Variants in LIPC observed in about 807,000 individuals in gnomAD.
LIPC encodes the protein hepatic triacylglycerol lipase.
Under a neutral mutation model 50.7 loss-of-function variants are expected in LIPC, and 44 were observed. That is an observed-to-expected ratio of 0.87 (90% CI 0.68 to 1.11). The LOEUF is 1.11. LIPC is among the 50% of genes most tolerant of loss of function. The pLI is 0.00. For synonymous variants in LIPC, 271 were observed against 256.4 expected, an observed-to-expected ratio of 1.06 and a Z score of -0.54; for missense variants, 697 against 648.2, an observed-to-expected ratio of 1.08 and a Z score of -0.82.
rs1204165330 is a variant in LIPC, at chr15:58,550,887, A to G, written c.1051+2315A>G. On this transcript the variant is annotated intron_variant, in intron 6 of 8. Transcript: ENST00000299022. ...AGTCTCACTCTGTCGCCCAGGCTGG[A>G]GTGCAGTGGCGTGATCTTGGCTCAC... is the stretch of plus-strand genomic sequence containing the variant. Among the ~76,000 whole-genome samples the G allele has an allele frequency of 2.5e-5, 3 of 119,108 alleles. No homozygotes were observed. In the Admixed American group the frequency reaches 3.5e-4, roughly 14 times the overall value. 78.1% of individuals were successfully genotyped at this position (119,108 alleles called of 152,430 possible).
intron 1 of LIPC, among the ~76,000 whole-genome samples, chr15:58,531,639 A>AAAAC (rs1403263482): frequency 2.0e-5 from 3 of 151,052 alleles, no homozygotes; most frequent in Admixed American, 2.0e-4. Context: ...AAAAAAAAAA[A>AAAAC]AAAAACCCCA....
chr15:58,538,301 G>A, intron 1 of LIPC, 32 bp from the exon 2 acceptor site: 1 of 1,611,898 alleles, frequency 6.2e-7, no homozygotes, highest in Non-Finnish European at 8.5e-7. Flanking sequence ...GCAGATGCCA[G>A]GCTAAGCACC....
At chr15:58,534,360 A>G (rs1893049028) in intron 1 of LIPC, among the ~76,000 whole-genome samples, 1 of 152,156 alleles carries the variant, frequency 6.6e-6, no homozygotes, top group Non-Finnish European at 1.5e-5. Context: ...TGTTCTAGGA[A>G]TAAGCGACAG....
At chr15:58,441,738 C>G (rs559757283) in intron 1 of LIPC, among the ~76,000 whole-genome samples, 6 of 152,248 alleles carry the variant, frequency 3.9e-5, no homozygotes, top group South Asian at 4.1e-4. Flanking sequence ...ATAGTTATCA[C>G]TAATTATTAT....
Position 58,546,019 on chromosome 15 carries a change from A to G in LIPC, c.808+44A>G, listed in dbSNP as rs761845051. The stretch of plus-strand genomic sequence containing the variant: ...GCCGGGAGCACCGGCCTACATTTCA[A>G]TGGGGCCTCTGGAATTCAGCGGAAT... On this transcript the variant is annotated intron_variant, in intron 5 of 8. Coordinates refer to ENST00000299022, the MANE Select transcript of LIPC (RefSeq NM_000236.3). 20 of 1,457,748 alleles carry G rather than the reference A, an allele frequency of 1.4e-5. No individual in the cohort carries two copies. The African/African-American group carries it at 2.1e-4, about 15-fold the overall frequency. 90.3% of individuals were successfully genotyped at this position (1,457,748 alleles called of 1,614,324 possible).
intron 1 of LIPC, among the ~76,000 whole-genome samples, chr15:58,434,049 T>A (rs1893209163): frequency 6.6e-6 from 1 of 151,982 alleles, no homozygotes; most frequent in Non-Finnish European, 1.5e-5. Flanking sequence ...CAGGGGACAC[T>A]TGGCAATGTC....
In LIPC at chr15:58,538,477, A is replaced by G. The variant is rs201177069; in HGVS notation, c.233A>G (p.Asn78Ser). ...HPDTLQECGF[N>S]SSLPLVMIIH... is the part of the protein sequence containing the mutation. ...GACACGTTACAGGAGTGCGGCTTCA[A>G]CTCCTCCCTGCCTCTGGTGATGATA... The change falls in exon 2 of 9, where the codon AAC (asparagine) becomes AGC (serine). Residue 78 changes from asparagine to serine, a missense_variant. Coordinates refer to ENST00000299022, the MANE Select transcript of LIPC (RefSeq NM_000236.3). 1.1e-5 allele frequency: 18 copies of G among 1,613,418 alleles called. No homozygotes were observed. Among genetic ancestry groups the G allele is most frequent in the Non-Finnish European group, 1.4e-5 (16 of 1,179,886 alleles).
chr15:58,508,144 G>T (rs1264757227), intron 1 of LIPC, among the ~76,000 whole-genome samples: 1 of 151,058 alleles, frequency 6.6e-6, no homozygotes, highest in Non-Finnish European at 1.5e-5. Flanking sequence ...TTCTTCCTTG[G>T]TATTTCCAGA....
chr15:58,500,529 C>T (rs959659864), intron 1 of LIPC, among the ~76,000 whole-genome samples: 4 of 152,186 alleles, frequency 2.6e-5, no homozygotes, highest in African/African-American at 9.7e-5. Context: ...TCAGACAGCG[C>T]AGTCTACAGT....
chr15:58,533,740 A>G (rs992977624), intron 1 of LIPC, among the ~76,000 whole-genome samples: 27 of 152,338 alleles, frequency 1.8e-4, no homozygotes, highest in Non-Finnish European at 3.7e-4. Context: ...TGGAACAAAT[A>G]TCTCCATAAG....
intron 1 of LIPC, among the ~76,000 whole-genome samples, chr15:58,510,702 A>G (rs111604564): frequency 6.6e-6 from 1 of 152,254 alleles, no homozygotes; most frequent in East Asian, 1.9e-4. Flanking sequence ...TCACTAAGAC[A>G]TCAGGTTTTA....
chr15:58,459,000 G>T (rs1169917404), intron 1 of LIPC, among the ~76,000 whole-genome samples: 1 of 152,166 alleles, frequency 6.6e-6, no homozygotes, highest in Admixed American at 6.5e-5. Flanking sequence ...AAGAGAAAAA[G>T]GTGCTAGGTC....
intron 1 of LIPC, among the ~76,000 whole-genome samples, chr15:58,467,030 ATATAATAGT>A (rs1894592655): frequency 6.6e-6 from 1 of 152,204 alleles, no homozygotes; most frequent in Non-Finnish European, 1.5e-5. Flanking sequence ...TCCTACTTAT[ATATAATAGT>A]TATAACTTTT....
At chr15:58,504,083 C>T (rs567690635) in intron 1 of LIPC, among the ~76,000 whole-genome samples, 3 of 152,284 alleles carry the variant, frequency 2.0e-5, no homozygotes, top group Non-Finnish European at 4.4e-5. Flanking sequence ...CACAGAAATC[C>T]ATACACCAGT....
intron 1 of LIPC, among the ~76,000 whole-genome samples, chr15:58,450,174 C>T (rs1453672303): frequency 2.0e-5 from 3 of 152,210 alleles, no homozygotes; most frequent in Admixed American, 6.5e-5. Flanking sequence ...TCTGGTCTTT[C>T]GCGTTTCTGA....
At chr15:58,498,193 GAAA>G (rs1262009474) in intron 1 of LIPC, among the ~76,000 whole-genome samples, 4 of 152,106 alleles carry the variant, frequency 2.6e-5, no homozygotes, top group Admixed American at 2.6e-4. Context: ...CCATCAAACT[GAAA>G]AAAGCCAATA....
At chr15:58,474,288 A>C (rs1327659971) in intron 1 of LIPC, among the ~76,000 whole-genome samples, 2 of 152,170 alleles carry the variant, frequency 1.3e-5, no homozygotes, top group African/African-American at 4.8e-5. Flanking sequence ...GGGCCCAAGC[A>C]GGGTGATTCA....
intron 1 of LIPC, among the ~76,000 whole-genome samples, chr15:58,472,341 G>A (rs1224879366): frequency 2.0e-5 from 3 of 150,164 alleles, no homozygotes; most frequent in East Asian, 2.0e-4. Flanking sequence ...TTGGGAGGCC[G>A]AGGGAGGTGA....
chr15:58,528,541 C>T (rs566572889), intron 1 of LIPC, among the ~76,000 whole-genome samples: 1 of 152,226 alleles, frequency 6.6e-6, no homozygotes, highest in East Asian at 1.9e-4. Context: ...CAGGGTTTGG[C>T]TCTGTCACCT....
Sources: allele counts gnomAD v4.1 joint callset (sites outside exome capture counted in the v4.1 genomes callset), GRCh38; gene constraint gnomAD v4.1.1; transcripts MANE v1.5; gene names NCBI Gene and HGNC (gene_info 2026-07-23, HGNC 2026-07-21).